The following SLC35D4 variants were observed in gnomAD, a reference collection of about 807,000 sequenced individuals.
SLC35D4 encodes the protein UDP-N-acetylglucosamine transporter SLC35D4.
the SLC35D4 span, among the ~76,000 whole-genome samples, chr18:23,404,455 A>T: frequency 1.3e-5 from 2 of 151,760 alleles, no homozygotes; most frequent in Non-Finnish European, 2.9e-5. Flanking sequence ...CAGGCGGATC[A>T]TGAGGTCAGG....
the SLC35D4 span, among the ~76,000 whole-genome samples, chr18:23,387,325 C>T: frequency 1.3e-5 from 2 of 152,170 alleles, no homozygotes; most frequent in Non-Finnish European, 2.9e-5. Context: ...GCTAGTGGGG[C>T]AAGGTCTGCA....
chr18:23,356,910 C>A, the SLC35D4 span, among the ~76,000 whole-genome samples: 1 of 152,176 alleles, frequency 6.6e-6, no homozygotes, highest in Non-Finnish European at 1.5e-5. The surrounding 1 kb of genome is among the most constrained non-coding windows in gnomAD (Gnocchi z 4.1). Flanking sequence ...ATACTAAAAT[C>A]TTTATGTATT....
chr18:23,369,902 C>T, the SLC35D4 span, among the ~76,000 whole-genome samples: 76 of 152,310 alleles, frequency 5.0e-4, no homozygotes, highest in African/African-American at 1.5e-3. Flanking sequence ...TTATCCTGGC[C>T]GGGTGTGGTG....
the SLC35D4 span, among the ~76,000 whole-genome samples, chr18:23,388,576 A>G: frequency 1.3e-5 from 2 of 151,990 alleles, no homozygotes; most frequent in African/African-American, 4.8e-5. Flanking sequence ...GGGACCTCCA[A>G]TTGTCCAAAG....
At chr18:23,258,933 G>A in the SLC35D4 span, 1 of 149,326 alleles carries the variant, frequency 6.7e-6, no homozygotes, top group East Asian at 2.0e-4. Flanking sequence ...ACTGAGTTTA[G>A]TCCTAAATAT....
At chr18:23,318,261 T>C in the SLC35D4 span, among the ~76,000 whole-genome samples, 1 of 152,210 alleles carries the variant, frequency 6.6e-6, no homozygotes, top group Admixed American at 6.5e-5. Flanking sequence ...TCTAGATCCC[T>C]TGTCCACTTT....
chr18:23,351,504 T>G, the SLC35D4 span, among the ~76,000 whole-genome samples: 1 of 152,162 alleles, frequency 6.6e-6, no homozygotes, highest in African/African-American at 2.4e-5. Context: ...TGTTTGAGGT[T>G]TTTTTTCTGG....
chr18:23,344,192 T>A, the SLC35D4 span, among the ~76,000 whole-genome samples: 3 of 152,322 alleles, frequency 2.0e-5, no homozygotes, highest in South Asian at 6.2e-4. Context: ...AATCTCATTC[T>A]TTTTTATGGC....
the SLC35D4 span, among the ~76,000 whole-genome samples, chr18:23,238,790 G>A: frequency 1.3e-5 from 2 of 152,208 alleles, no homozygotes; most frequent in African/African-American, 4.8e-5. Flanking sequence ...AGGAAATGGG[G>A]GATCCAGGCT....
At chr18:23,283,586 G>A in the SLC35D4 span, among the ~76,000 whole-genome samples, 2 of 152,020 alleles carry the variant, frequency 1.3e-5, no homozygotes, top group Non-Finnish European at 2.9e-5. Flanking sequence ...GAGGTGGGCG[G>A]ATCACCTGAG....
chr18:23,271,902 G>T, the SLC35D4 span, among the ~76,000 whole-genome samples: 2 of 152,106 alleles, frequency 1.3e-5, no homozygotes, highest in Non-Finnish European at 2.9e-5. Context: ...ACTCAGAGTG[G>T]GAATGGAAAC....
chr18:23,399,688 T>C, the SLC35D4 span: 12 of 1,605,684 alleles, frequency 7.5e-6, no homozygotes, highest in African/African-American at 1.3e-5. Flanking sequence ...TTTGCCACTT[T>C]TTGTTAAGAA....
chr18:23,342,021 G>C, the SLC35D4 span, among the ~76,000 whole-genome samples: 1,319 of 152,168 alleles, frequency 8.7e-3, 7 homozygotes, highest in Non-Finnish European at 0.013. Context: ...AAATCCTAAA[G>C]GACAGGATTT....
At chr18:23,413,956 T>TAAAA in the SLC35D4 span, among the ~76,000 whole-genome samples, 1 of 133,444 alleles carries the variant, frequency 7.5e-6, no homozygotes, top group Non-Finnish European at 1.6e-5. Context: ...AAAAAAAAAT[T>TAAAA]AAAAAAAAAA....
the SLC35D4 span, among the ~76,000 whole-genome samples, chr18:23,322,254 A>G: frequency 6.6e-6 from 1 of 152,216 alleles, no homozygotes; most frequent in Non-Finnish European, 1.5e-5. Flanking sequence ...ATGGAAAGGA[A>G]GCCGTGCCTT....
At chr18:23,411,758 C>A in the SLC35D4 span, among the ~76,000 whole-genome samples, 1 of 122,830 alleles carries the variant, frequency 8.1e-6, no homozygotes. Context: ...TCCCTAAGAA[C>A]CCTGATGAAC....
the SLC35D4 span, among the ~76,000 whole-genome samples, chr18:23,430,365 C>T: frequency 6.6e-6 from 1 of 152,038 alleles, no homozygotes; most frequent in Non-Finnish European, 1.5e-5. Flanking sequence ...TGAGACACCA[C>T]GCCTAGCCTA....
chr18:23,256,286 C>G, the SLC35D4 span, among the ~76,000 whole-genome samples: 21 of 152,210 alleles, frequency 1.4e-4, no homozygotes, highest in Non-Finnish European at 2.5e-4. Flanking sequence ...AGCAGCCCCT[C>G]TAGTTGGGTG....
the SLC35D4 span, among the ~76,000 whole-genome samples, chr18:23,327,078 T>C: frequency 6.6e-6 from 1 of 152,164 alleles, no homozygotes; most frequent in Non-Finnish European, 1.5e-5. Flanking sequence ...TAGCACTAAA[T>C]GCCCACAAGA....
Sources: allele counts gnomAD v4.1 joint callset (sites outside exome capture counted in the v4.1 genomes callset), GRCh38; gene constraint gnomAD v4.1.1; non-coding constraint Gnocchi (gnomAD v3.1); transcripts MANE v1.5; gene names NCBI Gene and HGNC (gene_info 2026-07-23, HGNC 2026-07-21).